Variants in NAALADL2 observed in about 807,000 individuals in gnomAD.
NAALADL2 encodes the protein inactive N-acetylated-alpha-linked acidic dipeptidase-like protein 2.
In NAALADL2, 76 loss-of-function variants were observed where a neutral mutation model predicts 87.2. The observed-to-expected ratio is 0.87, with a 90% confidence interval of 0.72 to 1.05. NAALADL2 has a LOEUF of 1.05. Among genes scored for constraint, NAALADL2 ranks in the 50% least tolerant of loss-of-function variants. NAALADL2 has a pLI of 0.00. For synonymous variants in NAALADL2, 354 were observed against 331.0 expected, an observed-to-expected ratio of 1.07 and a Z score of -0.75; for missense variants, 1,089 against 945.8, an observed-to-expected ratio of 1.15 and a Z score of -1.99.
chr3:174,860,739 A>C (rs16865182), intron 1 of NAALADL2, among the ~76,000 whole-genome samples: 9,489 of 151,926 alleles, frequency 0.062, 1,032 homozygotes, highest in African/African-American at 0.22. Flanking sequence ...TTTCCATTTC[A>C]CTCATTATCC....
chr3:174,645,937 C>T (rs1723735861), intron 2 of NAALADL2, among the ~76,000 whole-genome samples: 1 of 152,064 alleles, frequency 6.6e-6, no homozygotes, highest in Admixed American at 6.5e-5. Flanking sequence ...TTTCCTTTTG[C>T]TAATCACAAG....
intron 3 of NAALADL2, among the ~76,000 whole-genome samples, chr3:174,769,979 A>G (rs1714322712): frequency 7.3e-6 from 1 of 137,588 alleles, no homozygotes; most frequent in Non-Finnish European, 1.6e-5. Context: ...AAATAATACA[A>G]TATATAATAT....
intron 3 of NAALADL2, among the ~76,000 whole-genome samples, chr3:174,820,749 AGTGCTATAATG>A (rs547042702): frequency 7.0e-4 from 107 of 152,276 alleles, no homozygotes; most frequent in African/African-American, 2.5e-3. Flanking sequence ...TAGGGAAAAG[AGTGCTATAATG>A]GTGTACCAGT....
chr3:174,779,495 A>C (rs967609072), intron 3 of NAALADL2, among the ~76,000 whole-genome samples: 3 of 152,058 alleles, frequency 2.0e-5, no homozygotes, highest in African/African-American at 7.2e-5. Context: ...CCCATTTGTC[A>C]ATTTTGGCTT....
chr3:175,358,911 G>T (rs925264724), intron 5 of NAALADL2, among the ~76,000 whole-genome samples: 42 of 152,074 alleles, frequency 2.8e-4, no homozygotes, highest in African/African-American at 9.9e-4. Flanking sequence ...GAGAGAATTA[G>T]CCCCACAGCT....
chr3:174,590,229 T>G (rs1397266560), intron 2 of NAALADL2, among the ~76,000 whole-genome samples: 3 of 152,102 alleles, frequency 2.0e-5, no homozygotes, highest in Non-Finnish European at 4.4e-5. Flanking sequence ...TCAGCTCAAC[T>G]AGATCCTTCT....
chr3:175,074,447 T>C, intron 1 of NAALADL2, among the ~76,000 whole-genome samples: 1 of 152,100 alleles, frequency 6.6e-6, no homozygotes, highest in East Asian at 1.9e-4. Context: ...TACTACTGTT[T>C]TGTATTTCCT....
intron 5 of NAALADL2, among the ~76,000 whole-genome samples, chr3:175,344,096 T>C (rs967460084): frequency 6.6e-6 from 1 of 152,112 alleles, no homozygotes; most frequent in African/African-American, 2.4e-5. Flanking sequence ...CCCATGATCA[T>C]GGACTGCTTT....
intron 1 of NAALADL2, among the ~76,000 whole-genome samples, chr3:174,471,586 T>A (rs968291425): frequency 6.6e-6 from 1 of 151,920 alleles, no homozygotes; most frequent in African/African-American, 2.4e-5. Flanking sequence ...TTTTAAGAGA[T>A]TTTATATTAA....
chr3:175,154,677 G>A (rs116516289), intron 2 of NAALADL2, among the ~76,000 whole-genome samples: 238 of 152,156 alleles, frequency 1.6e-3, no homozygotes, highest in African/African-American at 5.2e-3. Context: ...TAGGAAAAAA[G>A]CTTTTCAACT....
intron 6 of NAALADL2, among the ~76,000 whole-genome samples, chr3:175,457,700 T>C (rs535295568): frequency 6.6e-6 from 1 of 150,714 alleles, no homozygotes; most frequent in African/African-American, 2.4e-5. Context: ...TTTTTTTTTT[T>C]TTTGTAGAGA....
At chr3:175,669,622 C>T (rs186389623) in intron 11 of NAALADL2, among the ~76,000 whole-genome samples, 57 of 152,076 alleles carry the variant, frequency 3.7e-4, no homozygotes, top group African/African-American at 7.5e-4. Context: ...TTGAAAAACA[C>T]TATTTGCAGC....
intron 1 of NAALADL2, among the ~76,000 whole-genome samples, chr3:174,509,750 A>G (rs575924357): frequency 8.7e-4 from 131 of 151,330 alleles, no homozygotes; most frequent in African/African-American, 2.9e-3. Flanking sequence ...AATTAGGGCT[A>G]TCTTCCTATC....
intron 9 of NAALADL2, among the ~76,000 whole-genome samples, chr3:175,490,757 A>C (rs1001521047): frequency 6.6e-6 from 1 of 151,938 alleles, no homozygotes; most frequent in Non-Finnish European, 1.5e-5. Context: ...ATAGACCCTA[A>C]ATGTGGGAGT....
intron 3 of NAALADL2, among the ~76,000 whole-genome samples, chr3:174,849,099 T>G (rs73174779): frequency 1.5e-4 from 23 of 152,010 alleles, no homozygotes; most frequent in Admixed American, 1.3e-4. Flanking sequence ...TCTTGCAGAG[T>G]TGGAAGTTGT....
At chr3:174,865,591 C>A (rs1159568170) in intron 1 of NAALADL2, among the ~76,000 whole-genome samples, 1 of 151,916 alleles carries the variant, frequency 6.6e-6, no homozygotes, top group African/African-American at 2.4e-5. Flanking sequence ...ATCCACATTT[C>A]TTCGAGGGAG....
intron 3 of NAALADL2, among the ~76,000 whole-genome samples, chr3:174,798,101 T>C (rs975151896): frequency 6.6e-6 from 1 of 152,200 alleles, no homozygotes; most frequent in East Asian, 1.9e-4. Flanking sequence ...AAATTGTTGA[T>C]AAGATTATTT....
At chr3:175,145,001 C>G (rs558967636) in intron 2 of NAALADL2, among the ~76,000 whole-genome samples, 6 of 151,874 alleles carry the variant, frequency 4.0e-5, no homozygotes, top group Non-Finnish European at 5.9e-5. Context: ...TTTCTTTATT[C>G]ACCACCATGT....
At chr3:174,718,553 G>C (rs1222112993) in intron 2 of NAALADL2, among the ~76,000 whole-genome samples, 1 of 152,150 alleles carries the variant, frequency 6.6e-6, no homozygotes, top group Non-Finnish European at 1.5e-5. Flanking sequence ...CCAAAAAGTA[G>C]AAGAAAATAA....
Sources: allele counts gnomAD v4.1 joint callset (sites outside exome capture counted in the v4.1 genomes callset), GRCh38; gene constraint gnomAD v4.1.1; transcripts MANE v1.5; gene names NCBI Gene and HGNC (gene_info 2026-07-23, HGNC 2026-07-21).